The following TRAPPC11 variants were observed in gnomAD, a reference collection of about 807,000 sequenced individuals.
TRAPPC11 encodes trafficking protein particle complex subunit 11.
TRAPPC11 carries 104 observed loss-of-function variants against 151.2 expected under a neutral mutation model. The observed-to-expected ratio is 0.69, with a 90% confidence interval of 0.59 to 0.81. The LOEUF is 0.81. Ranked by LOEUF, TRAPPC11 falls within the 30% of genes least tolerant of loss-of-function variation. The pLI, the probability that TRAPPC11 is intolerant of heterozygous loss-of-function variation, is 0.00. For missense variants in TRAPPC11, 1,230 were observed against 1,349.6 expected (o/e 0.91, Z 1.39); for synonymous variants, 456 against 472.3 (o/e 0.97, Z 0.45).
chr4:183,711,088 A>G, intron 29 of TRAPPC11, among the ~76,000 whole-genome samples: 1 of 150,016 alleles, frequency 6.7e-6, no homozygotes, highest in East Asian at 1.9e-4. Flanking sequence ...TCAAAACATC[A>G]TGTTGTATAC....
chr4:183,676,430 G>A (rs1267738830), intron 7 of TRAPPC11, among the ~76,000 whole-genome samples: 1 of 152,204 alleles, frequency 6.6e-6, no homozygotes, highest in East Asian at 1.9e-4. Context: ...GATTACAGGT[G>A]TGAGCCACTG....
chr4:183,683,979 T>C lies in TRAPPC11; in HGVS notation c.1212T>C (p.Phe404=). ...GTTGTGTCTCATCTTACGCAGGTTTTGATCTTTCTGATCCTGAAAAAGAAA... is the reference window on the plus strand; with the variant it reads ...GTTGTGTCTCATCTTACGCAGGTTTCGATCTTTCTGATCCTGAAAAAGAAA... ...QRSWRQGILS[F]DLSDPEKEKV... The change falls in exon 12 of 30, where the codon TTT becomes TTC. Residue 404 remains phenylalanine (F), a synonymous_variant. Coordinates refer to ENST00000334690, the MANE Select transcript of TRAPPC11 (RefSeq NM_021942.6). The C allele has an allele frequency of 6.2e-7, 1 of 1,613,962 alleles. No individual in the cohort carries two copies. The highest frequency in any genetic ancestry group is 8.5e-7 in the Non-Finnish European group (1 of 1,179,854).
At chr4:183,681,164 T>A (rs183964781) in intron 10 of TRAPPC11, among the ~76,000 whole-genome samples, 1 of 151,620 alleles carries the variant, frequency 6.6e-6, no homozygotes, top group African/African-American at 2.4e-5. Context: ...ATATTTATAT[T>A]GTTACAGTAG....
intron 9 of TRAPPC11, 32 bp from the exon 10 acceptor site, chr4:183,680,088 C>A (rs1356012814): frequency 3.2e-6 from 5 of 1,573,326 alleles, no homozygotes; most frequent in Middle Eastern, 1.7e-4. Context: ...TCTTTTCATT[C>A]CTCTTTATTT....
chr4:183,696,887 A>G (rs112309010), intron 23 of TRAPPC11, among the ~76,000 whole-genome samples: 3,311 of 152,186 alleles, frequency 0.022, 124 homozygotes, highest in African/African-American at 0.076. Context: ...TATCTTTCTT[A>G]TTAGTCATTT....
chr4:183,687,655 G>C (rs1736052106), intron 18 of TRAPPC11, among the ~76,000 whole-genome samples: 1 of 151,864 alleles, frequency 6.6e-6, no homozygotes, highest in South Asian at 2.1e-4. Flanking sequence ...ATGTATACTT[G>C]AATTCCAAAT....
chr4:183,667,023 T>C, intron 3 of TRAPPC11, 37 bp from the exon 4 acceptor site: 1 of 1,542,034 alleles, frequency 6.5e-7, no homozygotes, highest in Non-Finnish European at 8.9e-7. Flanking sequence ...TTTTTTAAGT[T>C]AAAATAATTA....
chr4:183,670,723 A>G (rs1032649187), intron 5 of TRAPPC11, among the ~76,000 whole-genome samples: 5 of 151,110 alleles, frequency 3.3e-5, no homozygotes, highest in Non-Finnish European at 7.4e-5. Context: ...CTCCTCCCTC[A>G]CCCTCCTGAA....
intron 2 of TRAPPC11, 39 bp downstream of exon 2, chr4:183,664,110 C>G: frequency 6.5e-7 from 1 of 1,530,358 alleles, no homozygotes; most frequent in Non-Finnish European, 9.0e-7. Flanking sequence ...TTCCTTCTCT[C>G]TCTCTATGTG....
chr4:183,665,174 A>C (rs552251904), intron 2 of TRAPPC11, among the ~76,000 whole-genome samples: 3 of 139,596 alleles, frequency 2.1e-5, no homozygotes, highest in South Asian at 4.5e-4. Flanking sequence ...GGCTCACTGC[A>C]AGCTCCGCCT....
rs781444603 is a variant in TRAPPC11 at position 183,694,024 on chromosome 4, C to T, written c.2494C>T (p.His832Tyr). 2 of 1,613,914 alleles carry T rather than the reference C, an allele frequency of 1.2e-6. No homozygotes were observed. The highest frequency in any genetic ancestry group is 2.2e-5 in the East Asian group (1 of 44,866). Residue 832 changes from histidine to tyrosine, a missense_variant, in exon 22 of 30, where the codon CAT (histidine) becomes TAT (tyrosine). Transcript: ENST00000334690. ...CACTGACATTCCTGTTGGAGACTTACATCCAGGGGAACAGGTAAACTTGGT... is the reference window on the plus strand; with the variant it reads ...CACTGACATTCCTGTTGGAGACTTATATCCAGGGGAACAGGTAAACTTGGT... Reference protein sequence around the residue: ...LLTDIPVGDLHPGEQLEKMLY... With the variant: ...LLTDIPVGDLYPGEQLEKMLY...
At chr4:183,705,305 T>C (rs1386069538) in intron 27 of TRAPPC11, among the ~76,000 whole-genome samples, 1 of 152,202 alleles carries the variant, frequency 6.6e-6, no homozygotes, top group Non-Finnish European at 1.5e-5. Context: ...GTTTTAAAAA[T>C]AATGGCTATT....
At chr4:183,665,047 A>G (rs1734771937) in intron 2 of TRAPPC11, among the ~76,000 whole-genome samples, 1 of 150,794 alleles carries the variant, frequency 6.6e-6, no homozygotes, top group African/African-American at 2.4e-5. Context: ...TGCAAGTAAT[A>G]GCATCCCAGC....
intron 22 of TRAPPC11, 87 bp from the exon 23 acceptor site, chr4:183,694,517 C>G: frequency 1.5e-6 from 2 of 1,356,942 alleles, no homozygotes; most frequent in Non-Finnish European, 2.0e-6. Flanking sequence ...TAAATAAACT[C>G]TAGAAGGTGG....
intron 24 of TRAPPC11, 25 bp downstream of exon 24, chr4:183,697,593 A>G: frequency 6.2e-7 from 1 of 1,603,450 alleles, no homozygotes; most frequent in Non-Finnish European, 8.5e-7. Context: ...GGCATACTAG[A>G]AATCATTTAG....
At position 183,680,100 on chromosome 4, in the gene TRAPPC11, T is replaced by G. The variant is rs762980286; in HGVS notation, c.966-20T>G. The stretch of plus-strand genomic sequence containing the variant: ...TTTTCTTTTCATTCCTCTTTATTTC[T>G]TGATTTTCTTTTCTTTAAGATTCCA... On this transcript the variant is annotated intron_variant, in intron 9 of 29. Transcript: ENST00000334690. 6.3e-7 allele frequency: 1 copy of G among 1,594,362 alleles called. No homozygotes were observed. The highest frequency in any genetic ancestry group is 1.2e-5 in the South Asian group (1 of 86,868).
intron 29 of TRAPPC11, 50 bp from the exon 30 acceptor site, chr4:183,712,550 G>A: frequency 3.2e-6 from 5 of 1,554,166 alleles, no homozygotes; most frequent in Middle Eastern, 3.4e-4. Context: ...TAGAGCTTTT[G>A]TTATTATATT....
intron 3 of TRAPPC11, 72 bp from the exon 4 acceptor site, chr4:183,666,988 T>C (rs1579160044): frequency 1.5e-6 from 2 of 1,292,320 alleles, no homozygotes; most frequent in East Asian, 2.5e-5. Flanking sequence ...ACCAAGGTTG[T>C]ATTTTATGTG....
chr4:183,704,895 A>T (rs1021005188), intron 26 of TRAPPC11, 84 bp from the exon 27 acceptor site: 6 of 756,748 alleles, frequency 7.9e-6, no homozygotes, highest in Non-Finnish European at 1.3e-5. Context: ...TGGTGAATAC[A>T]TGTTTCCTGT....
Sources: gnomAD v4.1 joint callset for allele counts (sites outside exome capture counted in the v4.1 genomes callset) on GRCh38, gnomAD v4.1.1 for gene constraint, MANE v1.5 for transcripts, NCBI Gene and HGNC (gene_info 2026-07-23, HGNC 2026-07-21) for gene names.